The following GPR55 variants were observed in gnomAD, a reference collection of about 807,000 sequenced individuals.
GPR55 encodes G-protein coupled receptor 55.
Under a neutral mutation model 7.9 loss-of-function variants are expected in GPR55, and 6 were observed. The ratio of observed to expected loss-of-function variants is 0.76; its 90% CI spans 0.41 to 1.49. The LOEUF is 1.49. Among genes scored for constraint, GPR55 ranks in the 40% most tolerant of loss-of-function variants. The pLI is 0.01. For missense variants in GPR55, 376 were observed against 406.0 expected (o/e 0.93, Z 0.63); for synonymous variants, 183 against 166.8 (o/e 1.10, Z -0.75).
chr2:230,936,233 A>T (rs1328460873), intron 1 of GPR55, among the ~76,000 whole-genome samples: 1 of 152,112 alleles, frequency 6.6e-6, no homozygotes, highest in Admixed American at 6.5e-5. Flanking sequence ...GAAACCAAGA[A>T]CACTGGTATG....
At position 230,923,325 on chromosome 2, in the gene GPR55, G is replaced by A. The variant is rs990906315; in HGVS notation, c.-135+1843C>T. Among the ~76,000 whole-genome samples, 1 of 152,188 alleles carries A rather than the reference G, an allele frequency of 6.6e-6. No individual in the cohort carries two copies. Among genetic ancestry groups the A allele is most frequent in the African/African-American group, 2.4e-5 (1 of 41,430 alleles). On this transcript the variant is annotated intron_variant, in intron 1 of 1. Coordinates refer to ENST00000650999, the MANE Select transcript of GPR55 (RefSeq NM_005683.4). This position sits in a 1 kb window ranked among gnomAD's most constrained non-coding sequence, Gnocchi z 4.1. Reference sequence around the variant, plus strand: ...TGTTATCTGCACAGAGCATTGCAGCGTGAGCCACCTCAGAGATGGCAGGGC... The same window carrying A: ...TGTTATCTGCACAGAGCATTGCAGCATGAGCCACCTCAGAGATGGCAGGGC...
At chr2:230,929,612 C>T (rs149233798), upstream of GPR55, 2 of 152,390 alleles carry the variant, frequency 1.3e-5, no homozygotes, top group African/African-American at 4.8e-5. Flanking sequence ...CAAGCTTCTC[C>T]CTGCAGTCAT....
In GPR55 at chr2:230,908,972, G is replaced by A. The variant is rs527714213; in HGVS notation, c.*1031C>T. 3 of 152,392 alleles carry A rather than the reference G, an allele frequency of 2.0e-5. No individual in the cohort carries two copies. Among genetic ancestry groups the A allele is most frequent in the East Asian group, 1.9e-4 (1 of 5,184 alleles). 9.4% of individuals were successfully genotyped at this position (152,392 alleles called of 1,614,324 possible). A position where few individuals can be genotyped will look rare whatever the true frequency, so the allele number is the denominator to read the frequency against. Reference sequence around the variant, plus strand: ...GGGACGGCTCCATGGGCAGTGCCACGGGTGCCAGCTGCCCAGCCAGGATGC... The same window carrying A: ...GGGACGGCTCCATGGGCAGTGCCACAGGTGCCAGCTGCCCAGCCAGGATGC... On this transcript the variant is annotated 3_prime_UTR_variant, in exon 2 of 2. Coordinates refer to ENST00000650999, the MANE Select transcript of GPR55 (RefSeq NM_005683.4).
intron 1 of GPR55, among the ~76,000 whole-genome samples, chr2:230,951,320 A>G (rs974955704): frequency 6.6e-6 from 1 of 152,196 alleles, no homozygotes; most frequent in African/African-American, 2.4e-5. Context: ...TGGTCCCAGA[A>G]TTCTCCTTCT....
chr2:230,954,169 C>T lies in GPR55; in HGVS notation c.-135+6606G>A, dbSNP rs566620254. Among the ~76,000 whole-genome samples the T allele has an allele frequency of 3.3e-5, 5 of 152,368 alleles. No individual in the cohort carries two copies. The East Asian group carries it at 7.7e-4, about 23-fold the overall frequency. On this transcript the variant is annotated intron_variant, in intron 1 of 1. Coordinates refer to the GPR55 transcript ENST00000392039. Reference sequence around the variant, plus strand: ...CTATGCAGCCCCGTAATCGTGCCCACAACAGCTGCCCCTGGCATCAGGTGG... The same window carrying T: ...CTATGCAGCCCCGTAATCGTGCCCATAACAGCTGCCCCTGGCATCAGGTGG...
Position 230,948,108 on chromosome 2 carries a change from C to A in GPR55, c.-135+12667G>T, listed in dbSNP as rs186980551. Among the ~76,000 whole-genome samples the A allele has an allele frequency of 1.2e-4, 18 of 152,284 alleles. 1 individual carries two copies. Among genetic ancestry groups the A allele is most frequent in the Non-Finnish European group, 1.5e-4 (10 of 68,014 alleles). On this transcript the variant is annotated intron_variant, in intron 1 of 1. Transcript: ENST00000392039. Reference sequence around the variant, plus strand: ...CTGCAGTTGCCACCGCCGCCCACCCCCTGGCCGCCCCCACAGCTTCCTCCC... The same window carrying A: ...CTGCAGTTGCCACCGCCGCCCACCCACTGGCCGCCCCCACAGCTTCCTCCC...
intron 1 of GPR55, among the ~76,000 whole-genome samples, chr2:230,914,661 A>T (rs1465342566): frequency 7.1e-6 from 1 of 140,890 alleles, no homozygotes; most frequent in African/African-American, 2.6e-5. Context: ...GGGGAGGGGA[A>T]CGGGGCGGGG....
chr2:230,920,395 A>T (rs1050902053), intron 1 of GPR55, among the ~76,000 whole-genome samples: 2 of 152,200 alleles, frequency 1.3e-5, no homozygotes, highest in African/African-American at 4.8e-5. Flanking sequence ...GGAACGAAGC[A>T]TGAAGTGAGA....
At chr2:230,941,849 A>C (rs79064241) in intron 1 of GPR55, among the ~76,000 whole-genome samples, 3,713 of 152,230 alleles carry the variant, frequency 0.024, 142 homozygotes, top group African/African-American at 0.085. Context: ...TATTTGTTTG[A>C]TATCTATTTG....
Position 230,924,319 on chromosome 2 carries a change from C to G in GPR55, c.-135+849G>C, listed in dbSNP as rs769096119. On this transcript the variant is annotated intron_variant, in intron 1 of 1. Coordinates refer to ENST00000650999, the MANE Select transcript of GPR55 (RefSeq NM_005683.4). The surrounding 1 kb of genome is among the most constrained non-coding windows in gnomAD (Gnocchi z 4.5). ...ACCTTGCCTTCCACAGAGCTGTGGG[C>G]GGCACTTTGCCCTGCCCTGTCCTCT... 4.6e-5 allele frequency among the ~76,000 whole-genome samples: 7 copies of G among 152,266 alleles called. No individual in the cohort carries two copies. In the South Asian group the frequency reaches 6.2e-4, roughly 14 times the overall value.
At chr2:230,950,189 T>A (rs1359383117) in intron 1 of GPR55, among the ~76,000 whole-genome samples, 1 of 152,248 alleles carries the variant, frequency 6.6e-6, no homozygotes, top group East Asian at 1.9e-4. Context: ...GATAAGAGCT[T>A]TTTGAGATCC....
upstream of GPR55, chr2:230,929,779 G>C (rs1466092232): frequency 6.6e-6 from 1 of 152,236 alleles, no homozygotes; most frequent in Non-Finnish European, 1.5e-5. Context: ...AGAGAGCACA[G>C]GTCTCTGTAC....
In GPR55 at chr2:230,951,754, GGGT is replaced by G. The variant is rs767238096; in HGVS notation, c.-135+9018_-135+9020del. 9.9e-3 allele frequency among the ~76,000 whole-genome samples: 931 copies of G among 94,116 alleles called. 13 individuals carry two copies. The highest frequency in any genetic ancestry group is 0.063 in the African/African-American group (764 of 12,102). 61.7% of individuals were successfully genotyped at this position (94,116 alleles called of 152,430 possible). A position where few individuals can be genotyped will look rare whatever the true frequency, so the allele number is the denominator to read the frequency against. On this transcript the variant is annotated intron_variant, in intron 1 of 1. Coordinates refer to the GPR55 transcript ENST00000392039. ...ATTTGTGGGTTTTTTGTTGTTATTGGGGTTTTTTTTTTTTTTTTTTGTGAGACA... is the reference window on the plus strand; with the variant it reads ...ATTTGTGGGTTTTTTGTTGTTATTGGTTTTTTTTTTTTTTTTTGTGAGACA...
At position 230,910,308 on chromosome 2, in the gene GPR55, C is replaced by A. The variant is rs770175579; in HGVS notation, c.655G>T (p.Val219Leu). The change falls in exon 2 of 2, where the codon GTG becomes TTG. Residue 219 changes from valine to leucine, a missense_variant. Transcript: ENST00000650999. The surrounding 1 kb of genome is among the most constrained non-coding windows in gnomAD (Gnocchi z 5.4). ...CTGTAGATGCAGGCTTTCTGCTGCA[C>A]CCAGTCCTGGGTGTGGTCTCGGCGG... The part of the protein sequence containing the change: ...LGRRDHTQDW[V>L]QQKACIYSIA... The A allele has an allele frequency of 3.1e-6, 5 of 1,613,984 alleles. No homozygotes were observed. Among genetic ancestry groups the A allele is most frequent in the African/African-American group, 1.3e-5 (1 of 75,000 alleles).
At chr2:230,916,325 C>T (rs1452935147) in intron 1 of GPR55, among the ~76,000 whole-genome samples, 1 of 146,734 alleles carries the variant, frequency 6.8e-6, no homozygotes, top group Non-Finnish European at 1.5e-5. Context: ...AGTTTGAGAC[C>T]CGCCTAGGCA....
At chr2:230,945,407 C>G (rs551223906) in intron 1 of GPR55, among the ~76,000 whole-genome samples, 91 of 150,948 alleles carry the variant, frequency 6.0e-4, no homozygotes, top group African/African-American at 2.1e-3. Context: ...AAATCAATGA[C>G]ATGAAAAGGA....
Position 230,942,408 on chromosome 2 carries a change from C to T in GPR55, c.-135+18367G>A, listed in dbSNP as rs568951445. ...CAGGGGCAGGAGTCCCAGACCAACC[C>T]CACAAGGGACCCAGCCACTGCCCTC... On this transcript the variant is annotated intron_variant, in intron 1 of 1. Transcript: ENST00000392039. Among the ~76,000 whole-genome samples, 5 of 152,280 alleles carry T rather than the reference C, an allele frequency of 3.3e-5. No individual in the cohort carries two copies. In the East Asian group the frequency reaches 9.7e-4, roughly 29 times the overall value.
At chr2:230,942,413 A>T (rs1691246063) in intron 1 of GPR55, among the ~76,000 whole-genome samples, 1 of 152,148 alleles carries the variant, frequency 6.6e-6, no homozygotes, top group South Asian at 2.1e-4. Flanking sequence ...CAACCCCACA[A>T]GGGACCCAGC....
chr2:230,930,626 CTTTTGGTA>C (rs1469545157), intron 1 of GPR55, among the ~76,000 whole-genome samples: 1 of 151,876 alleles, frequency 6.6e-6, no homozygotes, highest in Non-Finnish European at 1.5e-5. Flanking sequence ...AATTTTTGTA[CTTTTGGTA>C]CAAAATACAA....
Sources: allele counts gnomAD v4.1 joint callset (sites outside exome capture counted in the v4.1 genomes callset), GRCh38; gene constraint gnomAD v4.1.1; non-coding constraint Gnocchi (gnomAD v3.1); transcripts MANE v1.5; gene names NCBI Gene and HGNC (gene_info 2026-07-23, HGNC 2026-07-21).